The following SAMTOR variants were observed in gnomAD, a reference collection of about 807,000 sequenced individuals.
SAMTOR encodes UPF0532 protein C7orf60.
chr7:112,831,025 ATTCTT>A, the SAMTOR span, among the ~76,000 whole-genome samples: 1 of 152,102 alleles, frequency 6.6e-6, no homozygotes, highest in African/African-American at 2.4e-5. Context: ...ACATGATTCT[ATTCTT>A]TTATTTAAAA....
the SAMTOR span, among the ~76,000 whole-genome samples, chr7:112,860,537 A>C: frequency 6.6e-6 from 1 of 152,188 alleles, no homozygotes; most frequent in Admixed American, 6.5e-5. Context: ...AATTAAACTA[A>C]GTCTCACAAA....
At chr7:112,932,708 G>C in the SAMTOR span, among the ~76,000 whole-genome samples, 1 of 152,166 alleles carries the variant, frequency 6.6e-6, no homozygotes, top group East Asian at 1.9e-4. Flanking sequence ...CAAGGTAAGA[G>C]GGGCACTTAG....
the SAMTOR span, among the ~76,000 whole-genome samples, chr7:112,894,489 G>T: frequency 6.6e-6 from 1 of 152,082 alleles, no homozygotes; most frequent in South Asian, 2.1e-4. Context: ...CTCTGAGCCT[G>T]GGTAATTTAT....
At chr7:112,902,409 TCC>T in the SAMTOR span, among the ~76,000 whole-genome samples, 1 of 44,046 alleles carries the variant, frequency 2.3e-5, no homozygotes, top group Non-Finnish European at 4.0e-5. Flanking sequence ...AGAGCAAAAC[TCC>T]GTCTCAAAAA....
the SAMTOR span, chr7:112,821,926 T>C: frequency 2.5e-6 from 4 of 1,612,794 alleles, no homozygotes; most frequent in Non-Finnish European, 2.5e-6. Flanking sequence ...TCTTCTATAC[T>C]GTTGAAATCT....
the SAMTOR span, among the ~76,000 whole-genome samples, chr7:112,928,592 T>G: frequency 6.6e-6 from 1 of 151,982 alleles, no homozygotes; most frequent in Non-Finnish European, 1.5e-5. Context: ...ATTTTCATCA[T>G]GCTCAAAAAA....
the SAMTOR span, among the ~76,000 whole-genome samples, chr7:112,844,881 T>C: frequency 7.2e-5 from 11 of 152,090 alleles, no homozygotes; most frequent in Non-Finnish European, 1.3e-4. Context: ...CAAAACAGCA[T>C]GGTACTGGTA....
At chr7:112,937,177 C>A in the SAMTOR span, among the ~76,000 whole-genome samples, 1 of 152,046 alleles carries the variant, frequency 6.6e-6, no homozygotes, top group Admixed American at 6.6e-5. Flanking sequence ...TAAGAGGCAC[C>A]CAGTTGAATC....
the SAMTOR span, among the ~76,000 whole-genome samples, chr7:112,935,708 T>C: frequency 2.0e-5 from 3 of 152,084 alleles, no homozygotes; most frequent in South Asian, 2.1e-4. Flanking sequence ...CCCAAAGATA[T>C]TCATAAGATA....
chr7:112,904,821 C>G, the SAMTOR span, among the ~76,000 whole-genome samples: 4 of 152,104 alleles, frequency 2.6e-5, no homozygotes, highest in Admixed American at 2.6e-4. Flanking sequence ...AGCACCAGTA[C>G]AAGCCTTCAA....
At chr7:112,859,041 A>G in the SAMTOR span, among the ~76,000 whole-genome samples, 1 of 152,162 alleles carries the variant, frequency 6.6e-6, no homozygotes, top group African/African-American at 2.4e-5. Flanking sequence ...GGTGGGCCTC[A>G]TCCAATCAGT....
At chr7:112,821,613 G>C in the SAMTOR span, 1 of 841,386 alleles carries the variant, frequency 1.2e-6, no homozygotes, top group Non-Finnish European at 1.8e-6. Context: ...GAAAAAAATA[G>C]CAAACTCTGT....
chr7:112,928,481 G>C, the SAMTOR span, among the ~76,000 whole-genome samples: 1 of 151,890 alleles, frequency 6.6e-6, no homozygotes, highest in African/African-American at 2.4e-5. Flanking sequence ...TTTCCCAATA[G>C]AAAGTATAAA....
chr7:112,882,311 C>T, the SAMTOR span, among the ~76,000 whole-genome samples: 1 of 152,206 alleles, frequency 6.6e-6, no homozygotes, highest in Non-Finnish European at 1.5e-5. Context: ...GCCCAGTGGG[C>T]TCAAGCAAAA....
At chr7:112,924,067 T>C in the SAMTOR span, among the ~76,000 whole-genome samples, 6 of 146,586 alleles carry the variant, frequency 4.1e-5, no homozygotes, top group African/African-American at 1.5e-4. Flanking sequence ...GGGGGAGGGA[T>C]AGCATTAGGA....
At chr7:112,902,416 C>CAAAAAAAAAAAAAAAA in the SAMTOR span, among the ~76,000 whole-genome samples, 36 of 12,292 alleles carry the variant, frequency 2.9e-3, 8 homozygotes, top group East Asian at 0.025. Flanking sequence ...AACTCCGTCT[C>CAAAAAAAAAAAAAAAA]AAAAAAAAAA....
At chr7:112,834,625 C>A in the SAMTOR span, among the ~76,000 whole-genome samples, 1 of 152,136 alleles carries the variant, frequency 6.6e-6, no homozygotes, top group African/African-American at 2.4e-5. Context: ...CGAATCACAT[C>A]CATTTGTCCA....
the SAMTOR span, among the ~76,000 whole-genome samples, chr7:112,847,425 CA>C: frequency 6.6e-6 from 1 of 152,150 alleles, no homozygotes; most frequent in African/African-American, 2.4e-5. Flanking sequence ...TACTACCCAC[CA>C]AACATACATA....
At chr7:112,903,158 T>C in the SAMTOR span, among the ~76,000 whole-genome samples, 2 of 151,810 alleles carry the variant, frequency 1.3e-5, no homozygotes, top group Middle Eastern at 3.4e-3. Context: ...TTCTAAAATA[T>C]AAAAATTAGC....
Sources: allele counts gnomAD v4.1 joint callset (sites outside exome capture counted in the v4.1 genomes callset), GRCh38; gene constraint gnomAD v4.1.1; transcripts MANE v1.5; gene names NCBI Gene and HGNC (gene_info 2026-07-23, HGNC 2026-07-21).